NFIA: variants seen among roughly 807,000 people sequenced by gnomAD.
NFIA encodes the protein nuclear factor 1 A-type.
In NFIA, 8 loss-of-function variants were observed where a neutral mutation model predicts 62.8. That is an observed-to-expected ratio of 0.13 (90% CI 0.07 to 0.23). The LOEUF is 0.23. Among genes scored for constraint, NFIA ranks in the 10% least tolerant of loss-of-function variants. NFIA has a pLI of 1.00. For synonymous variants in NFIA, 235 were observed against 238.1 expected, an observed-to-expected ratio of 0.99 and a Z score of 0.12; for missense variants, 410 against 642.1, an observed-to-expected ratio of 0.64 and a Z score of 3.91.
At chr1:61,269,099 C>A (rs906144624) in intron 2 of NFIA, among the ~76,000 whole-genome samples, 8 of 151,970 alleles carry the variant, frequency 5.3e-5, no homozygotes, top group South Asian at 2.1e-4. Flanking sequence ...TTTATTTTGT[C>A]TAGGAAGACA....
rs1249537538 is a variant in NFIA, at chr1:61,460,871, T to C, written c.*5551T>C. On this transcript the variant is annotated 3_prime_UTR_variant, in exon 11 of 11. Coordinates refer to ENST00000403491, the MANE Select transcript of NFIA (RefSeq NM_001134673.4). ...ACTCAAAGTTATGTTAGTCTTTTTTTCCGACTTGGTTCTTGTCAGCTAGGT... is the reference window on the plus strand; with the variant it reads ...ACTCAAAGTTATGTTAGTCTTTTTTCCCGACTTGGTTCTTGTCAGCTAGGT... 1 of 152,248 alleles carries C rather than the reference T, an allele frequency of 6.6e-6. No individual in the cohort carries two copies. Among genetic ancestry groups the C allele is most frequent in the East Asian group, 1.9e-4 (1 of 5,202 alleles). 9.4% of individuals were successfully genotyped at this position (152,248 alleles called of 1,614,324 possible). A position where few individuals can be genotyped will look rare whatever the true frequency, so the allele number is the denominator to read the frequency against.
chr1:61,366,520 T>G (rs1663597073), intron 6 of NFIA, among the ~76,000 whole-genome samples: 1 of 152,182 alleles, frequency 6.6e-6, no homozygotes, highest in Non-Finnish European at 1.5e-5. Flanking sequence ...TAGTGAAAGT[T>G]TTGAAGTCAA....
chr1:61,318,132 A>AT (rs979330966), intron 3 of NFIA, among the ~76,000 whole-genome samples: 11 of 152,278 alleles, frequency 7.2e-5, no homozygotes, highest in African/African-American at 2.6e-4. Flanking sequence ...AGCCCTGAGT[A>AT]TTTGTTTTTT....
intron 3 of NFIA, among the ~76,000 whole-genome samples, chr1:61,329,381 A>ATT (rs58955783): frequency 1.4e-4 from 17 of 119,868 alleles, no homozygotes; most frequent in South Asian, 2.7e-4. Context: ...TTTTAAAGTA[A>ATT]TTTTTTTTTT....
At chr1:61,227,049 T>G (rs955755045) in intron 2 of NFIA, among the ~76,000 whole-genome samples, 5 of 152,248 alleles carry the variant, frequency 3.3e-5, no homozygotes, top group Admixed American at 2.0e-4. Flanking sequence ...GCTCTCCTTT[T>G]GTTTAAAGCA....
intron 2 of NFIA, among the ~76,000 whole-genome samples, chr1:61,219,528 C>G (rs1653870838): frequency 6.6e-6 from 1 of 151,656 alleles, no homozygotes; most frequent in Admixed American, 6.6e-5. Context: ...TCCTGGCTAA[C>G]ACGGTGAAAC....
At chr1:61,361,680 A>C (rs1663297496) in intron 6 of NFIA, among the ~76,000 whole-genome samples, 1 of 152,124 alleles carries the variant, frequency 6.6e-6, no homozygotes, top group Admixed American at 6.6e-5. Context: ...TCCTATCTGT[A>C]CATTATGATT....
chr1:61,135,467 C>T (rs951719567), intron 2 of NFIA, among the ~76,000 whole-genome samples: 4 of 152,204 alleles, frequency 2.6e-5, no homozygotes, highest in East Asian at 1.9e-4. Flanking sequence ...AGTGCAGTGG[C>T]GCAGTCATGG....
chr1:61,387,468 C>CTGTTTTTTTTTTTT (rs1171901984), intron 7 of NFIA, among the ~76,000 whole-genome samples: 1 of 95,486 alleles, frequency 1.0e-5, no homozygotes, highest in African/African-American at 4.1e-5. Flanking sequence ...CAAGCACTTT[C>CTGTTTTTTTTTTTT]TTTTTTTTTT....
intron 2 of NFIA, among the ~76,000 whole-genome samples, chr1:61,266,156 C>T (rs1227741761): frequency 6.6e-6 from 1 of 152,110 alleles, no homozygotes; most frequent in Non-Finnish European, 1.5e-5. Context: ...TAAGAATTTA[C>T]ATATCCAAGG....
chr1:61,152,481 C>A lies in NFIA; in HGVS notation c.559+63801C>A, dbSNP rs1055856620. Among the ~76,000 whole-genome samples, 5 of 152,252 alleles carry A rather than the reference C, an allele frequency of 3.3e-5. No individual in the cohort carries two copies. The East Asian group carries it at 9.6e-4, about 29-fold the overall frequency. On this transcript the variant is annotated intron_variant, in intron 2 of 10. Coordinates refer to ENST00000403491, the MANE Select transcript of NFIA (RefSeq NM_001134673.4). The stretch of plus-strand genomic sequence containing the variant: ...TCCAAGGCATCCTATAAATAATGAT[C>A]TAAGCTGAAAATATGTGGGCTTTAT...
intron 6 of NFIA, among the ~76,000 whole-genome samples, chr1:61,375,869 A>G (rs1303684058): frequency 6.6e-6 from 1 of 151,994 alleles, no homozygotes; most frequent in African/African-American, 2.4e-5. Flanking sequence ...GAAGTTGACT[A>G]CACCATTTCC....
chr1:61,322,515 G>A (rs184794574), intron 3 of NFIA, among the ~76,000 whole-genome samples: 1 of 152,208 alleles, frequency 6.6e-6, no homozygotes, highest in East Asian at 1.9e-4. Flanking sequence ...CATAAAAAGG[G>A]GTAGAGACAA....
chr1:61,334,853 C>G (rs1227202810), intron 4 of NFIA, among the ~76,000 whole-genome samples: 1 of 151,876 alleles, frequency 6.6e-6, no homozygotes, highest in Non-Finnish European at 1.5e-5. Context: ...TCACCCCCAG[C>G]CTCTCCTCCT....
At chr1:61,199,888 T>C (rs1382517116) in intron 2 of NFIA, among the ~76,000 whole-genome samples, 1 of 150,730 alleles carries the variant, frequency 6.6e-6, no homozygotes, top group Non-Finnish European at 1.5e-5. Context: ...GCAGCTACTC[T>C]GGAGGCTGAG....
chr1:61,400,664 A>G (rs1234970595), intron 7 of NFIA, among the ~76,000 whole-genome samples: 7 of 152,206 alleles, frequency 4.6e-5, no homozygotes, highest in Non-Finnish European at 5.9e-5. Context: ...CATCCATAAG[A>G]CATGTTTTTC....
chr1:61,100,952 T>A lies in NFIA; in HGVS notation c.559+12272T>A, dbSNP rs573008842. 5.3e-4 allele frequency among the ~76,000 whole-genome samples: 81 copies of A among 151,922 alleles called. 1 individual carries two copies. Among genetic ancestry groups the A allele is most frequent in the African/African-American group, 1.9e-3 (77 of 41,506 alleles). ...TTGTTAACATTGCTTTTTTTTTTTT[T>A]ACCATAAAATTGGTATATGTCGAGG... On this transcript the variant is annotated intron_variant, in intron 2 of 10. Transcript: ENST00000403491.
chr1:61,172,784 G>A (rs1302245675), intron 2 of NFIA, among the ~76,000 whole-genome samples: 1 of 152,188 alleles, frequency 6.6e-6, no homozygotes, highest in Non-Finnish European at 1.5e-5. Flanking sequence ...ATGGGAGAGA[G>A]CAGGCTGGTA....
intron 2 of NFIA, among the ~76,000 whole-genome samples, chr1:61,124,239 A>G (rs889471188): frequency 6.6e-6 from 1 of 152,290 alleles, no homozygotes; most frequent in African/African-American, 2.4e-5. Context: ...CAATTCAGCA[A>G]CCATTTATTG....
Sources: allele counts gnomAD v4.1 joint callset (sites outside exome capture counted in the v4.1 genomes callset), GRCh38; gene constraint gnomAD v4.1.1; transcripts MANE v1.5; gene names NCBI Gene and HGNC (gene_info 2026-07-23, HGNC 2026-07-21).